The following CACNA2D4 variants were observed in gnomAD, a reference collection of about 807,000 sequenced individuals.
CACNA2D4 encodes voltage-dependent calcium channel subunit alpha-2/delta-4.
A neutral mutation model predicts 163.8 loss-of-function variants in CACNA2D4; 157 were observed. That is an observed-to-expected ratio of 0.96 (90% confidence interval 0.84 to 1.09). The LOEUF (loss-of-function observed/expected upper bound fraction) is 1.09. CACNA2D4 is among the 50% of genes least tolerant of loss of function. The probability of loss-of-function intolerance (pLI) is 0.00; values close to 1 mark genes in which losing one functional copy is unlikely to be tolerated. For missense variants in CACNA2D4, 1,410 were observed against 1,479.9 expected, an observed-to-expected ratio of 0.95 and a Z score of 0.78; for synonymous variants, 598 against 586.9, an observed-to-expected ratio of 1.02 and a Z score of -0.27.
intron 26 of CACNA2D4, among the ~76,000 whole-genome samples, chr12:1,812,404 G>A (rs1863741552): frequency 6.6e-6 from 1 of 152,222 alleles, no homozygotes; most frequent in Non-Finnish European, 1.5e-5. Context: ...TAGGCTTGGA[G>A]AACCCAAGCA....
At chr12:1,893,402 C>T (rs4765649) in intron 6 of CACNA2D4, among the ~76,000 whole-genome samples, 10,032 of 151,990 alleles carry the variant, frequency 0.066, 820 homozygotes, top group East Asian at 0.42. Context: ...GCCTGTAATC[C>T]CAGCTACTTG....
chr12:1,882,964 T>C lies in CACNA2D4; in HGVS notation c.1388A>G (p.Gln463Arg). Residue 463 changes from glutamine to arginine, a missense_variant, in exon 13 of 38, where the codon CAG (glutamine) becomes CGG (arginine). Gln to Arg is a conservative substitution (Grantham distance 43). Transcript: ENST00000382722. ...YTQISTLADT[Q>R]ENVMEYLHVL... is the part of the protein sequence containing the mutation. Reference sequence around the variant, plus strand: ...GTGCAGGTATTCCATCACGTTCTCCTGGGTGTCCGCCAGCGTTGAGATCTG... The same window carrying C: ...GTGCAGGTATTCCATCACGTTCTCCCGGGTGTCCGCCAGCGTTGAGATCTG... 6.2e-7 allele frequency: 1 copy of C among 1,613,366 alleles called. No homozygotes were observed. Among genetic ancestry groups the C allele is most frequent in the Non-Finnish European group, 8.5e-7 (1 of 1,179,670 alleles).
chr12:1,892,100 A>AAGGTCTTCTTC (rs1866299011), intron 6 of CACNA2D4, among the ~76,000 whole-genome samples: 2 of 111,672 alleles, frequency 1.8e-5, no homozygotes, highest in Non-Finnish European at 3.6e-5. Context: ...ATAATTCAAA[A>AAGGTCTTCTTC]ATACATTGTA....
At chr12:1,796,478 C>T (rs1033161486) in intron 35 of CACNA2D4, among the ~76,000 whole-genome samples, 1 of 152,222 alleles carries the variant, frequency 6.6e-6, no homozygotes, top group Non-Finnish European at 1.5e-5. Flanking sequence ...AGCGGGGGAG[C>T]GCAGAGCCAG....
At chr12:1,807,530 A>G (rs755383848) in intron 29 of CACNA2D4, among the ~76,000 whole-genome samples, 1 of 152,004 alleles carries the variant, frequency 6.6e-6, no homozygotes, top group Non-Finnish European at 1.5e-5. Context: ...GCAAAAACAG[A>G]TGGACGGACA....
chr12:1,838,131 T>A (rs1379070730), intron 26 of CACNA2D4, among the ~76,000 whole-genome samples: 1 of 152,204 alleles, frequency 6.6e-6, no homozygotes, highest in Non-Finnish European at 1.5e-5. Flanking sequence ...CAGATCCTGA[T>A]CCAAAAGTTA....
Position 1,907,494 on chromosome 12 carries a change from T to C in CACNA2D4, c.727A>G (p.Thr243Ala), listed in dbSNP as rs777433064. 22 of 1,613,754 alleles carry C rather than the reference T, an allele frequency of 1.4e-5. No homozygotes were observed. Among genetic ancestry groups the C allele is most frequent in the Middle Eastern group, 1.6e-4 (1 of 6,082 alleles). ...CTGCCAAAATATTGCCAGGTCAACG[T>C]TGGGTCTCTCTGGAAGTTCTCCACG... is the stretch of plus-strand genomic sequence containing the variant. ...VFVENFQRDP[T>A]LTWQYFGSAT... The change falls in exon 6 of 38, where the codon ACG becomes GCG. Residue 243 changes from threonine (T) to alanine (A), a missense_variant. Thr to Ala is a moderately conservative substitution (Grantham distance 58). Transcript: ENST00000382722.
At chr12:1,876,069 C>G (rs1037353779) in intron 16 of CACNA2D4, among the ~76,000 whole-genome samples, 2 of 152,212 alleles carry the variant, frequency 1.3e-5, no homozygotes, top group African/African-American at 4.8e-5. Flanking sequence ...CTGTCAGGTC[C>G]CTCTTCACAA....
chr12:1,821,798 C>CT (rs1180962152), intron 26 of CACNA2D4, among the ~76,000 whole-genome samples: 2 of 152,180 alleles, frequency 1.3e-5, no homozygotes, highest in Non-Finnish European at 2.9e-5. Flanking sequence ...CCCTGCAGGT[C>CT]TGGGGCTGGG....
rs745589449 is a variant in CACNA2D4 at position 1,844,387 on chromosome 12, C to A, written c.2470+15G>T. The A allele has an allele frequency of 6.2e-7, 1 of 1,612,496 alleles. No individual in the cohort carries two copies. The highest frequency in any genetic ancestry group is 8.5e-7 in the Non-Finnish European group (1 of 1,179,310). ...GAGACTGGCCCAGCCCCGGGAGCAC[C>A]GGGCTGTGTGTTACCTGGTCCTTCT... On this transcript the variant is annotated intron_variant, in intron 25 of 37. Transcript: ENST00000382722. The surrounding 1 kb of genome is among the most constrained non-coding windows in gnomAD (Gnocchi z 4.2).
intron 27 of CACNA2D4, among the ~76,000 whole-genome samples, chr12:1,811,255 A>T (rs1863697254): frequency 6.6e-6 from 1 of 152,188 alleles, no homozygotes; most frequent in Non-Finnish European, 1.5e-5. Context: ...AGGGGAAAGG[A>T]GCCAGTAGAA....
chr12:1,868,309 A>G (rs1865697409), intron 18 of CACNA2D4, among the ~76,000 whole-genome samples: 1 of 152,218 alleles, frequency 6.6e-6, no homozygotes, highest in Non-Finnish European at 1.5e-5. Context: ...ATTTGCTACA[A>G]CATGGATGAA....
intron 23 of CACNA2D4, among the ~76,000 whole-genome samples, chr12:1,847,403 C>T (rs1027992775): frequency 6.6e-6 from 1 of 152,220 alleles, no homozygotes; most frequent in Non-Finnish European, 1.5e-5. Flanking sequence ...GTAGGCAATT[C>T]CAAAGCACTG....
chr12:1,856,282 T>A (rs1419063915), intron 20 of CACNA2D4, 53 bp from the exon 21 acceptor site: 2 of 1,583,534 alleles, frequency 1.3e-6, no homozygotes, highest in African/African-American at 2.7e-5. Flanking sequence ...CATGAGGGTG[T>A]GTGTCTCAAT....
chr12:1,804,149 G>A (rs963482889), intron 29 of CACNA2D4, among the ~76,000 whole-genome samples: 1 of 151,792 alleles, frequency 6.6e-6, no homozygotes, highest in African/African-American at 2.4e-5. Context: ...GTGTGTGTGT[G>A]TGTGTGTGTG....
In CACNA2D4 at chr12:1,800,454, T is replaced by C. The variant is rs1238776251; in HGVS notation, c.2869-16A>G. The C allele has an allele frequency of 1.9e-6, 3 of 1,611,328 alleles. No homozygotes were observed. The highest frequency in any genetic ancestry group is 2.7e-5 in the African/African-American group (2 of 74,070). Reference sequence around the variant, plus strand: ...CAGAAATTGGCTGGGAAGGAGAGAGTGCACACCGCTCGCACCTAGGTCCAA... The same window carrying C: ...CAGAAATTGGCTGGGAAGGAGAGAGCGCACACCGCTCGCACCTAGGTCCAA... On this transcript the variant is annotated splice_polypyrimidine_tract_variant and intron_variant, in intron 31 of 37. Coordinates refer to ENST00000382722, the MANE Select transcript of CACNA2D4 (RefSeq NM_172364.5).
intron 26 of CACNA2D4, among the ~76,000 whole-genome samples, chr12:1,816,150 G>A (rs1227320507): frequency 2.6e-5 from 4 of 152,156 alleles, no homozygotes; most frequent in Admixed American, 6.5e-5. Flanking sequence ...GGTTACTTGC[G>A]GGGAGGACTG....
chr12:1,840,322 A>G (rs1864986739), intron 26 of CACNA2D4, among the ~76,000 whole-genome samples: 1 of 148,672 alleles, frequency 6.7e-6, no homozygotes, highest in Non-Finnish European at 1.5e-5. Context: ...ATGCCTCAGT[A>G]ATGCTCTATT....
At position 1,884,763 on chromosome 12, in the gene CACNA2D4, G is replaced by A. The variant is rs1866092634; in HGVS notation, c.1272+5C>T. 1 of 1,603,106 alleles carries A rather than the reference G, an allele frequency of 6.2e-7. No individual in the cohort carries two copies. The highest frequency in any genetic ancestry group is 1.3e-5 in the African/African-American group (1 of 74,878). Reference sequence around the variant, plus strand: ...TTTCTCCCTGGACACCCGTGGGAGGGTCACCTTACAGTCTGGCCAGTTATA... The same window carrying A: ...TTTCTCCCTGGACACCCGTGGGAGGATCACCTTACAGTCTGGCCAGTTATA... On this transcript the variant is annotated splice_donor_5th_base_variant and intron_variant, in intron 11 of 37. Transcript: ENST00000382722.
Sources: allele counts gnomAD v4.1 joint callset (sites outside exome capture counted in the v4.1 genomes callset), GRCh38; gene constraint gnomAD v4.1.1; non-coding constraint Gnocchi (gnomAD v3.1); transcripts MANE v1.5; gene names NCBI Gene and HGNC (gene_info 2026-07-23, HGNC 2026-07-21).